ITGBL1: variants seen among roughly 807,000 people sequenced by gnomAD.
ITGBL1 encodes the protein integrin beta-like protein 1.
A neutral mutation model predicts 68.5 loss-of-function variants in ITGBL1; 51 were observed. That is an observed-to-expected ratio of 0.74 (90% CI 0.59 to 0.94). The LOEUF (loss-of-function observed/expected upper bound fraction) is 0.94, where lower values mean the gene tolerates loss of function less well. ITGBL1 is among the 40% of genes least tolerant of loss of function. The pLI, the probability that ITGBL1 is intolerant of heterozygous loss-of-function variation, is 0.00. For missense variants in ITGBL1, 649 were observed against 647.4 expected, an observed-to-expected ratio of 1.00 and a Z score of -0.03; for synonymous variants, 209 against 227.3, an observed-to-expected ratio of 0.92 and a Z score of 0.72.
At chr13:101,608,076 G>T (rs1051614228) in intron 7 of ITGBL1, among the ~76,000 whole-genome samples, 1 of 152,056 alleles carries the variant, frequency 6.6e-6, no homozygotes, top group Non-Finnish European at 1.5e-5. Context: ...ATAAGGGAAG[G>T]TGTGAAATGG....
At chr13:101,509,285 C>T (rs1253358890) in intron 2 of ITGBL1, among the ~76,000 whole-genome samples, 2 of 152,114 alleles carry the variant, frequency 1.3e-5, no homozygotes, top group Non-Finnish European at 2.9e-5. Context: ...AAGACCTGCC[C>T]CCATAATTCA....
At position 101,594,050 on chromosome 13, in the gene ITGBL1, T is replaced by A. The variant is rs554313591; in HGVS notation, c.869-4103T>A. Among the ~76,000 whole-genome samples the A allele has an allele frequency of 1.6e-4, 25 of 152,102 alleles. No individual in the cohort carries two copies. The South Asian group carries it at 5.2e-3, about 32-fold the overall frequency. On this transcript the variant is annotated intron_variant, in intron 6 of 10. Coordinates refer to ENST00000376180, the MANE Select transcript of ITGBL1 (RefSeq NM_004791.3). ...TATGTACATATAATAATTTTTAACCTCTCCTAGCATTTTTAATAGTAATAA... is the reference window on the plus strand; with the variant it reads ...TATGTACATATAATAATTTTTAACCACTCCTAGCATTTTTAATAGTAATAA...
intron 2 of ITGBL1, among the ~76,000 whole-genome samples, chr13:101,488,109 G>T (rs762528090): frequency 1.1e-4 from 16 of 152,172 alleles, no homozygotes; most frequent in Admixed American, 5.9e-4. Flanking sequence ...ACAGATACTG[G>T]TTTTTCTTGA....
chr13:101,620,999 A>T (rs1005820177), intron 7 of ITGBL1, among the ~76,000 whole-genome samples: 2 of 152,128 alleles, frequency 1.3e-5, no homozygotes, highest in African/African-American at 4.8e-5. Context: ...AAAGAATAAG[A>T]AGCAAATCAA....
chr13:101,497,194 C>T (rs894424024), intron 2 of ITGBL1, among the ~76,000 whole-genome samples: 8 of 152,218 alleles, frequency 5.3e-5, no homozygotes, highest in African/African-American at 1.9e-4. Context: ...ATTTACCTGA[C>T]AATCATATTA....
intron 2 of ITGBL1, among the ~76,000 whole-genome samples, chr13:101,515,775 A>T (rs775414884): frequency 1.3e-5 from 2 of 152,122 alleles, no homozygotes; most frequent in Non-Finnish European, 2.9e-5. Flanking sequence ...GAAACATTTC[A>T]TATGAGTCAT....
At chr13:101,597,514 A>ATT (rs1265019101) in intron 6 of ITGBL1, among the ~76,000 whole-genome samples, 2 of 150,338 alleles carry the variant, frequency 1.3e-5, no homozygotes, top group East Asian at 3.9e-4. Context: ...AATCCACCAA[A>ATT]TACTCCTTTC....
In ITGBL1 at chr13:101,648,482, C is replaced by T. The variant is rs1307398630; in HGVS notation, c.1016-44103C>T. On this transcript the variant is annotated intron_variant, in intron 7 of 10. Coordinates refer to ENST00000376180, the MANE Select transcript of ITGBL1 (RefSeq NM_004791.3). ...AATGATGAAATATTTAAAGCTTTCT[C>T]CCAGTGATCGAGGACAAGGCAAGGA... Among the ~76,000 whole-genome samples the T allele has an allele frequency of 2.6e-5, 4 of 152,124 alleles. No homozygotes were observed. In the South Asian group the frequency reaches 8.3e-4, roughly 32 times the overall value.
intron 7 of ITGBL1, among the ~76,000 whole-genome samples, chr13:101,689,053 A>T (rs2033819893): frequency 6.6e-6 from 1 of 151,048 alleles, no homozygotes. Context: ...GAAAAAAAAA[A>T]AATCATCTGG....
chr13:101,571,179 C>T (rs914597610), intron 3 of ITGBL1, among the ~76,000 whole-genome samples: 3 of 152,090 alleles, frequency 2.0e-5, no homozygotes, highest in Non-Finnish European at 2.9e-5. Context: ...GCTCCCAATA[C>T]CACCAACATA....
chr13:101,653,855 CTTTTTTTGTTTTTTGTT>C (rs2032834170), intron 7 of ITGBL1, among the ~76,000 whole-genome samples: 1 of 104,644 alleles, frequency 9.6e-6, no homozygotes, highest in South Asian at 3.7e-4. Flanking sequence ...TGCCCAGCTA[CTTTTTTTGTTTTTTGTT>C]TTTTTTTTTT....
At chr13:101,704,484 TAA>T (rs57687698) in intron 8 of ITGBL1, among the ~76,000 whole-genome samples, 2 of 105,348 alleles carry the variant, frequency 1.9e-5, no homozygotes, top group East Asian at 3.2e-4. Flanking sequence ...ATTCATTCAG[TAA>T]AAAAAAAAAA....
chr13:101,609,200 A>T (rs866525292), intron 7 of ITGBL1, among the ~76,000 whole-genome samples: 1 of 152,118 alleles, frequency 6.6e-6, no homozygotes, highest in Non-Finnish European at 1.5e-5. Flanking sequence ...TACATTTCAG[A>T]ACATGTCGGG....
intron 9 of ITGBL1, chr13:101,710,807 G>A (rs142738965): frequency 2.6e-5 from 4 of 152,234 alleles, no homozygotes; most frequent in East Asian, 1.9e-4. Context: ...CTCAGGAGAC[G>A]ATGAAGAAAT....
chr13:101,548,998 T>A (rs2049875322), intron 2 of ITGBL1, among the ~76,000 whole-genome samples: 1 of 151,918 alleles, frequency 6.6e-6, no homozygotes, highest in Non-Finnish European at 1.5e-5. Flanking sequence ...AATACATTAT[T>A]ACACTTGAAC....
At chr13:101,517,012 A>T (rs2049206220) in intron 2 of ITGBL1, among the ~76,000 whole-genome samples, 1 of 152,178 alleles carries the variant, frequency 6.6e-6, no homozygotes, top group African/African-American at 2.4e-5. Flanking sequence ...TCTATGGCTA[A>T]TATTCTTGCA....
downstream of ITGBL1, chr13:101,717,897 T>TAAC (rs2034786779): frequency 6.6e-6 from 1 of 152,136 alleles, no homozygotes; most frequent in African/African-American, 2.4e-5. Context: ...TCCTTTTTAT[T>TAAC]AACAACAACA....
chr13:101,681,143 T>C (rs1250524214), intron 7 of ITGBL1, among the ~76,000 whole-genome samples: 1 of 152,172 alleles, frequency 6.6e-6, no homozygotes, highest in Non-Finnish European at 1.5e-5. Flanking sequence ...CATTTAAGAT[T>C]GTGAGCCCTG....
intron 3 of ITGBL1, among the ~76,000 whole-genome samples, chr13:101,571,319 A>G (rs546669855): frequency 1.3e-5 from 2 of 151,670 alleles, no homozygotes; most frequent in Non-Finnish European, 2.9e-5. Flanking sequence ...ACTTCCCCCC[A>G]CTCACTGTAC....
Sources: gnomAD v4.1 joint callset for allele counts (sites outside exome capture counted in the v4.1 genomes callset) on GRCh38, gnomAD v4.1.1 for gene constraint, MANE v1.5 for transcripts, NCBI Gene and HGNC (gene_info 2026-07-23, HGNC 2026-07-21) for gene names.